The following ROBO1 variants were observed in gnomAD, a reference collection of about 807,000 sequenced individuals.
The protein encoded by ROBO1 is roundabout homolog 1.
A neutral mutation model predicts 195.9 loss-of-function variants in ROBO1; 149 were observed. The observed-to-expected ratio is 0.76, with a 90% confidence interval of 0.67 to 0.87. The LOEUF (loss-of-function observed/expected upper bound fraction) is 0.87, where lower values mean the gene tolerates loss of function less well. ROBO1 is among the 40% of genes least tolerant of loss of function. The pLI, the probability that ROBO1 is intolerant of heterozygous loss-of-function variation, is 0.00. For missense variants in ROBO1, 1,933 were observed against 2,068.3 expected (o/e 0.93, Z 1.27); for synonymous variants, 816 against 733.2 (o/e 1.11, Z -1.82).
At chr3:79,629,660 G>T (rs1195327019) in intron 1 of ROBO1, among the ~76,000 whole-genome samples, 6 of 151,612 alleles carry the variant, frequency 4.0e-5, no homozygotes, top group Non-Finnish European at 8.8e-5. Context: ...AATTAAATGA[G>T]ATAGAGTCCA....
intron 2 of ROBO1, among the ~76,000 whole-genome samples, chr3:79,199,346 G>A (rs2081715577): frequency 6.6e-6 from 1 of 151,762 alleles, no homozygotes. Context: ...TCTAAGAAGA[G>A]AAATGACCAA....
chr3:79,162,917 A>G (rs1339051635), intron 2 of ROBO1, among the ~76,000 whole-genome samples: 3 of 152,120 alleles, frequency 2.0e-5, no homozygotes, highest in African/African-American at 7.2e-5. Flanking sequence ...CTAAAAAATC[A>G]TATGTTTAAA....
At chr3:79,522,752 G>C (rs555437077) in intron 2 of ROBO1, among the ~76,000 whole-genome samples, 3 of 152,014 alleles carry the variant, frequency 2.0e-5, no homozygotes, top group African/African-American at 7.2e-5. Flanking sequence ...AAAGATGATC[G>C]TGGTTTTAGA....
At chr3:79,231,527 G>A (rs542726978) in intron 2 of ROBO1, among the ~76,000 whole-genome samples, 8 of 151,974 alleles carry the variant, frequency 5.3e-5, no homozygotes, top group East Asian at 3.9e-4. Context: ...TCTCACACCC[G>A]TCAGAATGGC....
intron 2 of ROBO1, among the ~76,000 whole-genome samples, chr3:79,136,214 TTTA>T (rs2080405871): frequency 6.6e-6 from 1 of 152,216 alleles, no homozygotes; most frequent in South Asian, 2.1e-4. Flanking sequence ...AGCCTGTTGG[TTTA>T]AATTCAGAAT....
chr3:79,716,949 T>G (rs2107268603), intron 1 of ROBO1, among the ~76,000 whole-genome samples: 1 of 152,082 alleles, frequency 6.6e-6, no homozygotes, highest in Non-Finnish European at 1.5e-5. Context: ...CTCAGAATTT[T>G]GAACAAAGAA....
intron 2 of ROBO1, among the ~76,000 whole-genome samples, chr3:79,223,726 G>A (rs1431027979): frequency 2.0e-5 from 3 of 152,126 alleles, no homozygotes; most frequent in Non-Finnish European, 4.4e-5. Context: ...AATTAGTGAT[G>A]AATCTACTTG....
intron 1 of ROBO1, among the ~76,000 whole-genome samples, chr3:79,634,644 A>G (rs562049766): frequency 1.3e-5 from 2 of 152,280 alleles, no homozygotes; most frequent in South Asian, 4.1e-4. Context: ...GTGGCTTAAT[A>G]TTTAAAGCAA....
intron 2 of ROBO1, among the ~76,000 whole-genome samples, chr3:79,445,465 A>T (rs2107157186): frequency 6.7e-6 from 1 of 150,006 alleles, no homozygotes; most frequent in South Asian, 2.1e-4. Flanking sequence ...TTTTTTTGGT[A>T]AACAATACAG....
At chr3:79,669,654 T>A (rs1946575822) in intron 1 of ROBO1, among the ~76,000 whole-genome samples, 1 of 151,754 alleles carries the variant, frequency 6.6e-6, no homozygotes, top group Non-Finnish European at 1.5e-5. Context: ...GCACTGAAGC[T>A]CACATTTCTC....
intron 2 of ROBO1, among the ~76,000 whole-genome samples, chr3:79,552,374 T>C (rs1942555518): frequency 6.6e-6 from 1 of 152,096 alleles, no homozygotes; most frequent in South Asian, 2.1e-4. Flanking sequence ...AGGCAATGAT[T>C]TTTCCTTCCA....
At chr3:79,076,745 A>G (rs529976465) in intron 3 of ROBO1, among the ~76,000 whole-genome samples, 2 of 151,962 alleles carry the variant, frequency 1.3e-5, no homozygotes, top group African/African-American at 4.8e-5. Context: ...GAATGTTTCA[A>G]TTAGAACATG....
rs2081018080 is a variant in ROBO1, at chr3:79,163,957, A to G, written c.89-38418T>C. ...CAAATGGCATTAGTATGGTAATGAC[A>G]TTGATGATTATATTGTAAAAATGTA... On this transcript the variant is annotated intron_variant, in intron 2 of 30. Coordinates refer to ENST00000464233, the MANE Select transcript of ROBO1 (RefSeq NM_002941.4). Among the ~76,000 whole-genome samples the G allele has an allele frequency of 2.6e-5, 4 of 152,174 alleles. No individual in the cohort carries two copies. In the South Asian group the frequency reaches 8.3e-4, roughly 31 times the overall value.
chr3:79,644,462 G>A (rs553303281), intron 1 of ROBO1, among the ~76,000 whole-genome samples: 1 of 152,244 alleles, frequency 6.6e-6, no homozygotes, highest in South Asian at 2.1e-4. Flanking sequence ...CACAATGATG[G>A]CAGAAGGCAA....
chr3:79,528,255 A>G (rs1429495092), intron 2 of ROBO1, among the ~76,000 whole-genome samples: 1 of 152,198 alleles, frequency 6.6e-6, no homozygotes, highest in Non-Finnish European at 1.5e-5. Context: ...AGCAGAAATC[A>G]TATTGACCTG....
chr3:78,811,105 G>A (rs987245026), intron 4 of ROBO1, among the ~76,000 whole-genome samples: 9 of 151,892 alleles, frequency 5.9e-5, no homozygotes, highest in African/African-American at 7.3e-5. Context: ...GACTGTTCTC[G>A]GTCTATACAG....
At chr3:79,020,743 A>G (rs2078083669) in intron 3 of ROBO1, among the ~76,000 whole-genome samples, 1 of 152,156 alleles carries the variant, frequency 6.6e-6, no homozygotes, top group Non-Finnish European at 1.5e-5. Flanking sequence ...AATACCTAAC[A>G]TGCCGAATGC....
chr3:78,796,981 C>T (rs2084203469), intron 4 of ROBO1, among the ~76,000 whole-genome samples: 1 of 152,172 alleles, frequency 6.6e-6, no homozygotes. Context: ...GTACTCGAAT[C>T]TCTCCAACAT....
At chr3:78,682,656 T>TGTATATATACGTATATATACAC (rs1403357235) in intron 10 of ROBO1, among the ~76,000 whole-genome samples, 3 of 147,592 alleles carry the variant, frequency 2.0e-5, no homozygotes, top group South Asian at 2.1e-4. Flanking sequence ...AATGTGACTG[T>TGTATATATACGTATATATACAC]GTATATATAC....
Sources: allele counts gnomAD v4.1 joint callset (sites outside exome capture counted in the v4.1 genomes callset), GRCh38; gene constraint gnomAD v4.1.1; transcripts MANE v1.5; gene names NCBI Gene and HGNC (gene_info 2026-07-23, HGNC 2026-07-21).